IQSEC1: variants seen among roughly 807,000 people sequenced by gnomAD.
IQSEC1 encodes IQ motif and Sec7 domain ArfGEF 1, also known as IQ motif and SEC7 domain-containing protein 1.
IQSEC1 carries 31 observed loss-of-function variants against 91.0 expected under a neutral mutation model. The ratio of observed to expected loss-of-function variants is 0.34; its 90% confidence interval spans 0.26 to 0.46. The LOEUF is 0.46. Ranked by LOEUF, IQSEC1 falls within the 20% of genes least tolerant of loss-of-function variation. IQSEC1 has a pLI of 1.00. For missense variants in IQSEC1, 1,388 were observed against 1,575.6 expected (o/e 0.88, Z 2.02); for synonymous variants, 699 against 662.6 (o/e 1.05, Z -0.84).
In IQSEC1 at chr3:12,913,469, G is replaced by A. The variant is rs201364726; in HGVS notation, c.2275C>T (p.Leu759=). The change falls in exon 9 of 14, where the codon CTA becomes TTA. Residue 759 remains leucine (L), a synonymous_variant. Coordinates refer to ENST00000613206, the MANE Select transcript of IQSEC1 (RefSeq NM_001134382.3). ...AACAGGAAGATTTCTCGCTGGTGTA[G>A]TCCGAGTTTCTGGGGCTTGTTTGGG... ...PDPNKPQKLG[L]HQREIFLFND... is the part of the protein sequence containing the mutation. 56 of 1,607,384 alleles carry A rather than the reference G, an allele frequency of 3.5e-5. No homozygotes were observed. The highest frequency in any genetic ancestry group is 1.9e-5 in the Non-Finnish European group (22 of 1,175,942).
rs1451443501 is a variant in IQSEC1 at position 12,900,636 on chromosome 3, TC to T, written c.*346del. On this transcript the variant is annotated 3_prime_UTR_variant, in exon 14 of 14. Transcript: ENST00000613206. ...TTTCTTCGTTTTCTAGGTTGGGTTT[TC>T]ATATGCATGTACATTAGGGCACAGG... is the stretch of plus-strand genomic sequence containing the variant. 5.4e-6 allele frequency: 6 copies of T among 1,119,344 alleles called. No individual in the cohort carries two copies. The highest frequency in any genetic ancestry group is 6.6e-6 in the Non-Finnish European group (6 of 913,642). 69.3% of individuals were successfully genotyped at this position (1,119,344 alleles called of 1,614,324 possible). A position where few individuals can be genotyped will look rare whatever the true frequency, so the allele number is the denominator to read the frequency against.
At position 12,935,164 on chromosome 3, in the gene IQSEC1, G is replaced by A. The variant is rs1159686205; in HGVS notation, c.1568+284C>T. On this transcript the variant is annotated intron_variant, in intron 3 of 13. Coordinates refer to ENST00000613206, the MANE Select transcript of IQSEC1 (RefSeq NM_001134382.3). This position sits in a 1 kb window ranked among gnomAD's most constrained non-coding sequence, Gnocchi z 8.0. ...TTGCTATGGCGGACTTGGGGGGGAT[G>A]GGACGGAAGGGCCCGGGACTCAAGT... Among the ~76,000 whole-genome samples, 2 of 152,210 alleles carry A rather than the reference G, an allele frequency of 1.3e-5. No individual in the cohort carries two copies. Among genetic ancestry groups the A allele is most frequent in the African/African-American group, 2.4e-5 (1 of 41,452 alleles).
intron 1 of IQSEC1, among the ~76,000 whole-genome samples, chr3:12,972,854 T>C (rs1194729537): frequency 6.6e-6 from 1 of 152,194 alleles, no homozygotes; most frequent in African/African-American, 2.4e-5. Context: ...GAATAGAACC[T>C]ATTCCTAAGA....
At position 12,935,886 on chromosome 3, in the gene IQSEC1, T is replaced by A. The variant is rs368148999; in HGVS notation, c.1130A>T (p.Asp377Val). The part of the protein sequence containing the change: ...TIEPPSDSSV[D>V]LSDRSERGSL... ...CCCCCGCTCCGAGCGGTCACTAAGGTCCACAGAGCTGTCGCTGGGTGGCTC... is the reference window on the plus strand; with the variant it reads ...CCCCCGCTCCGAGCGGTCACTAAGGACCACAGAGCTGTCGCTGGGTGGCTC... The change falls in exon 3 of 14, where the codon GAC becomes GTC. Residue 377 changes from aspartate (D) to valine (V), a missense_variant. Coordinates refer to ENST00000613206, the MANE Select transcript of IQSEC1 (RefSeq NM_001134382.3). This position sits in a 1 kb window ranked among gnomAD's most constrained non-coding sequence, Gnocchi z 8.0. 1 of 1,605,080 alleles carries A rather than the reference T, an allele frequency of 6.2e-7. No individual in the cohort carries two copies. Among genetic ancestry groups the A allele is most frequent in the African/African-American group, 1.3e-5 (1 of 74,926 alleles).
At chr3:13,117,480 G>T (rs1362174466) in intron 2 of IQSEC1, among the ~76,000 whole-genome samples, 50 of 145,874 alleles carry the variant, frequency 3.4e-4, no homozygotes, top group Admixed American at 2.7e-3. Context: ...CTGAGGCAGG[G>T]GAATCGCATG....
intron 1 of IQSEC1, among the ~76,000 whole-genome samples, chr3:12,981,155 G>A (rs1410127498): frequency 6.6e-6 from 1 of 152,180 alleles, no homozygotes; most frequent in African/African-American, 2.4e-5. Flanking sequence ...TGCTTAGGGG[G>A]AGCAGGAGCC....
intron 2 of IQSEC1, among the ~76,000 whole-genome samples, chr3:13,161,681 A>G (rs1207654239): frequency 1.3e-5 from 2 of 152,196 alleles, no homozygotes; most frequent in African/African-American, 2.4e-5. Context: ...CCAGCATCTT[A>G]GCCTCAGCAA....
At chr3:13,270,934 G>T (rs1001199933) in intron 1 of IQSEC1, among the ~76,000 whole-genome samples, 4 of 152,144 alleles carry the variant, frequency 2.6e-5, no homozygotes, top group Non-Finnish European at 5.9e-5. Flanking sequence ...GGCTGAAAAT[G>T]AAAGGATGGA....
Position 13,131,478 on chromosome 3 carries a change from CTTTTTTTTTTTTTTTT to C in IQSEC1, c.302+32610_302+32625del, listed in dbSNP as rs61345195. 5.0e-4 allele frequency among the ~76,000 whole-genome samples: 41 copies of C among 81,706 alleles called. No individual in the cohort carries two copies. The South Asian group carries it at 7.1e-3, about 14-fold the overall frequency. 53.6% of individuals were successfully genotyped at this position (81,706 alleles called of 152,430 possible). On this transcript the variant is annotated intron_variant, in intron 2 of 15. Transcript: ENST00000648114. ...GAAATGTTTAGGTTTAAATCTATGT[CTTTTTTTTTTTTTTTT>C]TTTTTTTTTTGATACTGAGCCTCAC...
rs1695803515 is a variant in IQSEC1 at position 13,282,111 on chromosome 3, A to G, written c.272+600T>C. On this transcript the variant is annotated intron_variant, in intron 1 of 15. Transcript: ENST00000648114. The surrounding 1 kb of genome is among the most constrained non-coding windows in gnomAD (Gnocchi z 6.4). Reference sequence around the variant, plus strand: ...TCCCTCACTTAATCCTGGGTCCGAAATAGCCCCGGGTAATCCCAGGGCGAG... The same window carrying G: ...TCCCTCACTTAATCCTGGGTCCGAAGTAGCCCCGGGTAATCCCAGGGCGAG... Among the ~76,000 whole-genome samples, 1 of 152,120 alleles carries G rather than the reference A, an allele frequency of 6.6e-6. No individual in the cohort carries two copies. The highest frequency in any genetic ancestry group is 1.5e-5 in the Non-Finnish European group (1 of 67,986).
chr3:13,190,533 G>A (rs933772848), intron 1 of IQSEC1, among the ~76,000 whole-genome samples: 14 of 143,752 alleles, frequency 9.7e-5, no homozygotes, highest in African/African-American at 3.4e-4. Context: ...TCCAGCCTGG[G>A]TGACAGAGCA....
intron 1 of IQSEC1, among the ~76,000 whole-genome samples, chr3:13,182,502 C>T (rs149187211): frequency 1.8e-3 from 277 of 152,168 alleles, no homozygotes; most frequent in African/African-American, 6.2e-3. Context: ...AGTGGATAAA[C>T]GGGTGGCAAT....
chr3:13,165,592 T>C (rs1256999062), intron 1 of IQSEC1, among the ~76,000 whole-genome samples: 1 of 93,384 alleles, frequency 1.1e-5, no homozygotes, highest in Middle Eastern at 5.7e-3. Flanking sequence ...CTGTCTGTCT[T>C]CACTTCATCG....
At chr3:12,933,174 G>T (rs1697851082) in intron 3 of IQSEC1, among the ~76,000 whole-genome samples, 1 of 152,218 alleles carries the variant, frequency 6.6e-6, no homozygotes, top group African/African-American at 2.4e-5. Context: ...CAGGGCCAAA[G>T]AAAGGGAAGG....
rs1409569065 is a variant in IQSEC1, at chr3:13,209,256, T to A, written c.273-45123A>T. Among the ~76,000 whole-genome samples, 3 of 152,200 alleles carry A rather than the reference T, an allele frequency of 2.0e-5. No individual in the cohort carries two copies. In the East Asian group the frequency reaches 5.8e-4, roughly 29 times the overall value. On this transcript the variant is annotated intron_variant, in intron 1 of 15. Transcript: ENST00000648114. ...TTCCCAATTCAGGTACAAAGAGAGA[T>A]GGAGGCAAATGGTGTCCACTAGTCC...
chr3:12,930,269 C>T (rs1697551368), intron 3 of IQSEC1, among the ~76,000 whole-genome samples: 1 of 152,222 alleles, frequency 6.6e-6, no homozygotes, highest in African/African-American at 2.4e-5. Flanking sequence ...CCGCCTCAGC[C>T]TCCCAAGCAG....
intron 1 of IQSEC1, among the ~76,000 whole-genome samples, chr3:13,179,867 C>T (rs1487847660): frequency 2.6e-5 from 4 of 152,238 alleles, no homozygotes; most frequent in East Asian, 1.9e-4. Context: ...CTGGCCCCGC[C>T]AGCCCCGGGC....
rs939360357 is a variant in IQSEC1 at position 12,900,830 on chromosome 3, G to A, written c.*153C>T. ...CTTTGTTCCACACAACACCAGCCCT[G>A]TGGGCTCCTGGGGCTCCGGTTGGGC... On this transcript the variant is annotated 3_prime_UTR_variant, in exon 14 of 14. Transcript: ENST00000613206. 5 of 1,510,296 alleles carry A rather than the reference G, an allele frequency of 3.3e-6. No homozygotes were observed. The African/African-American group carries it at 4.1e-5, about 13-fold the overall frequency. 93.6% of individuals were successfully genotyped at this position (1,510,296 alleles called of 1,614,324 possible). A position where few individuals can be genotyped will look rare whatever the true frequency, so the allele number is the denominator to read the frequency against.
At chr3:13,229,262 G>A (rs529413400) in intron 1 of IQSEC1, among the ~76,000 whole-genome samples, 2 of 152,182 alleles carry the variant, frequency 1.3e-5, no homozygotes, top group East Asian at 1.9e-4. Flanking sequence ...GTATGGTGAG[G>A]TTCTCTCACA....
Sources: allele counts gnomAD v4.1 joint callset (sites outside exome capture counted in the v4.1 genomes callset), GRCh38; gene constraint gnomAD v4.1.1; non-coding constraint Gnocchi (gnomAD v3.1); transcripts MANE v1.5; gene names NCBI Gene and HGNC (gene_info 2026-07-23, HGNC 2026-07-21).